PTPRF: variants seen among roughly 807,000 people sequenced by gnomAD.
PTPRF encodes the protein protein tyrosine phosphatase receptor type F.
PTPRF carries 59 observed loss-of-function variants against 201.8 expected under a neutral mutation model. The ratio of observed to expected loss-of-function variants is 0.29; its 90% CI spans 0.24 to 0.36. The LOEUF (loss-of-function observed/expected upper bound fraction) is 0.36. PTPRF is among the 10% of genes least tolerant of loss of function. The probability of loss-of-function intolerance (pLI) is 1.00; values close to 1 mark genes in which losing one functional copy is unlikely to be tolerated. For missense variants in PTPRF, 2,132 were observed against 2,690.5 expected (o/e 0.79, Z 4.59); for synonymous variants, 1,088 against 1,089.7 (o/e 1.00, Z 0.03).
intron 5 of PTPRF, among the ~76,000 whole-genome samples, chr1:43,555,668 A>G (rs948061838): frequency 6.6e-6 from 1 of 151,532 alleles, no homozygotes; most frequent in Non-Finnish European, 1.5e-5. Flanking sequence ...CTGGTCTGGA[A>G]CTCCTGACCT....
chr1:43,565,686 C>G lies in PTPRF; in HGVS notation c.380-3904C>G, dbSNP rs568593513. On this transcript the variant is annotated intron_variant, in intron 5 of 33. Coordinates refer to ENST00000359947, the MANE Select transcript of PTPRF (RefSeq NM_002840.5). ...GCCCCTCCCCGCACTGTGCAGGGCACCCGGTTGGGGGTGGAGGGGAGGGCC... is the reference window on the plus strand; with the variant it reads ...GCCCCTCCCCGCACTGTGCAGGGCAGCCGGTTGGGGGTGGAGGGGAGGGCC... 1.6e-4 allele frequency among the ~76,000 whole-genome samples: 24 copies of G among 148,050 alleles called. No homozygotes were observed. In the East Asian group the frequency reaches 4.4e-3, roughly 27 times the overall value.
intron 1 of PTPRF, among the ~76,000 whole-genome samples, chr1:43,531,351 C>A (rs570224154): frequency 2.9e-4 from 43 of 148,816 alleles, no homozygotes; most frequent in African/African-American, 1.1e-3. Context: ...CGCTCCCCGC[C>A]GCCCCTCGCC....
chr1:43,552,250 A>G (rs1255731983), intron 3 of PTPRF, among the ~76,000 whole-genome samples: 1 of 151,576 alleles, frequency 6.6e-6, no homozygotes, highest in Non-Finnish European at 1.5e-5. Context: ...TTTGGCCCCC[A>G]CCCACCACTC....
At chr1:43,525,879 C>G (rs1335275724), upstream of PTPRF, among the ~76,000 whole-genome samples, 3 of 143,952 alleles carry the variant, frequency 2.1e-5, no homozygotes, top group South Asian at 6.8e-4. Flanking sequence ...GGTTGGGGAG[C>G]GAGCAGGAGA....
rs758657312 is a variant in PTPRF at position 43,578,876 on chromosome 1, C to T, written c.635C>T (p.Ser212Leu). ...AAGTACGAGTGTGTGGCGACCAACT[C>T]GGCAGGCACACGTTACTCAGCCCCT... ...QGKYECVATNSAGTRYSAPAN... is the reference protein window; with the variant it reads ...QGKYECVATNLAGTRYSAPAN... Residue 212 changes from serine (S) to leucine (L), a missense_variant, in exon 7 of 34, where the codon TCG becomes TTG. By Grantham distance (145) the Ser-to-Leu change is moderately radical. Transcript: ENST00000359947. The T allele has an allele frequency of 5.0e-6, 8 of 1,614,068 alleles. No individual in the cohort carries two copies. The highest frequency in any genetic ancestry group is 2.2e-5 in the East Asian group (1 of 44,898).
chr1:43,564,823 C>T (rs1646050836), intron 5 of PTPRF, among the ~76,000 whole-genome samples: 1 of 152,162 alleles, frequency 6.6e-6, no homozygotes, highest in Non-Finnish European at 1.5e-5. Context: ...GACGGTGCTG[C>T]CTGCCCCAGG....
Position 43,569,691 on chromosome 1 carries a change from A to C in PTPRF, c.481A>C (p.Asn161His). 6.2e-7 allele frequency: 1 copy of C among 1,614,060 alleles called. No individual in the cohort carries two copies. Among genetic ancestry groups the C allele is most frequent in the African/African-American group, 1.3e-5 (1 of 75,046 alleles). Residue 161 changes from asparagine to histidine, a missense_variant, in exon 6 of 34, where the codon AAT (asparagine) becomes CAT (histidine). Physicochemically the swap from Asn to His is moderately conservative, Grantham distance 68 (BLOSUM62 1). Coordinates refer to ENST00000359947, the MANE Select transcript of PTPRF (RefSeq NM_002840.5). ...CACCATGCTATGTGCCGCAGGCGGA[A>C]ATCCAGACCCTGAGATTTCTTGGTT... The part of the protein sequence containing the change: ...TATMLCAAGG[N>H]PDPEISWFKD...
chr1:43,609,528 C>T (rs375621023), intron 22 of PTPRF, 30 bp downstream of exon 22: 1 of 1,562,060 alleles, frequency 6.4e-7, no homozygotes, highest in African/African-American at 1.4e-5. Flanking sequence ...TGTGTGCCCC[C>T]AGCCCAGACC....
At position 43,537,011 on chromosome 1, in the gene PTPRF, CTG is replaced by C. The variant is rs1644062482; in HGVS notation, c.-125-1184_-125-1183del. ...GACATTCCCACGCACCACCCTCCCA[CTG>C]TGGTTTCTTTGTGTCCGTTATAGGA... On this transcript the variant is annotated intron_variant, in intron 1 of 33. Transcript: ENST00000359947. This position sits in a 1 kb window ranked among gnomAD's most constrained non-coding sequence, Gnocchi z 4.8. 6.6e-6 allele frequency among the ~76,000 whole-genome samples: 1 copy of C among 152,336 alleles called. No homozygotes were observed. Among genetic ancestry groups the C allele is most frequent in the East Asian group, 1.9e-4 (1 of 5,182 alleles).
At chr1:43,550,313 G>T (rs1228897251) in intron 3 of PTPRF, among the ~76,000 whole-genome samples, 2 of 152,134 alleles carry the variant, frequency 1.3e-5, no homozygotes, top group South Asian at 2.1e-4. Flanking sequence ...TCTCCTCCCC[G>T]GCGTCTCCTC....
At position 43,591,825 on chromosome 1, in the gene PTPRF, C is replaced by A; in HGVS notation, c.1545C>A (p.Pro515=). ...GGGGTGTTGCAGTGCCTGCCCAGCCCGCGGACTTCCAGGCCGAGGTGGAGT... is the reference window on the plus strand; with the variant it reads ...GGGGTGTTGCAGTGCCTGCCCAGCCAGCGGACTTCCAGGCCGAGGTGGAGT... The part of the protein sequence containing the change: ...VKTQQGVPAQ[P]ADFQAEVESD... Residue 515 remains proline, a synonymous_variant, in exon 10 of 34, where the codon CCC becomes CCA. Coordinates refer to ENST00000359947, the MANE Select transcript of PTPRF (RefSeq NM_002840.5). 6.2e-7 allele frequency: 1 copy of A among 1,613,234 alleles called. No homozygotes were observed.
At chr1:43,612,773 A>G (rs568949205) in intron 22 of PTPRF, 9 of 1,365,668 alleles carry the variant, frequency 6.6e-6, no homozygotes, top group African/African-American at 1.5e-5. Flanking sequence ...TGCAGGTTCC[A>G]GTGTCCCCAG....
intron 31 of PTPRF, 100 bp from the exon 32 acceptor site, chr1:43,620,738 A>ACAGAT (rs1378902944): frequency 2.0e-6 from 3 of 1,531,808 alleles, no homozygotes; most frequent in African/African-American, 2.7e-5. Context: ...GTGCAGTGAC[A>ACAGAT]CAGATGCATG....
intron 6 of PTPRF, among the ~76,000 whole-genome samples, chr1:43,571,418 C>A (rs979922178): frequency 1.3e-5 from 2 of 152,212 alleles, no homozygotes; most frequent in Admixed American, 1.3e-4. Context: ...GTCTTTCCAG[C>A]CCAAACCTCT....
Position 43,618,674 on chromosome 1 carries a change from T to C in PTPRF, c.4416T>C (p.Cys1472=). 6.2e-7 allele frequency: 1 copy of C among 1,611,578 alleles called. No individual in the cohort carries two copies. The highest frequency in any genetic ancestry group is 8.5e-7 in the Non-Finnish European group (1 of 1,178,116). The change falls in exon 26 of 34, where the codon TGT becomes TGC. Residue 1472 remains cysteine, a synonymous_variant. Coordinates refer to ENST00000359947, the MANE Select transcript of PTPRF (RefSeq NM_002840.5). ...QYWPARGTET[C]GLIQVTLLDT... The stretch of plus-strand genomic sequence containing the variant: ...GGCCAGCCCGTGGCACCGAGACCTG[T>C]GGCCTTATTCAGGTGACCCTGTTGG...
upstream of PTPRF, among the ~76,000 whole-genome samples, chr1:43,524,050 CAAAAAAAAAAAAA>C (rs57088994): frequency 2.5e-5 from 2 of 80,668 alleles, no homozygotes; most frequent in Admixed American, 1.7e-4. Context: ...GAGACTCTGT[CAAAAAAAAAAAAA>C]AAAAAAAAAA....
chr1:43,571,962 T>C (rs1040767472), intron 6 of PTPRF, among the ~76,000 whole-genome samples: 15 of 152,236 alleles, frequency 9.9e-5, no homozygotes, highest in Admixed American at 8.5e-4. Context: ...AAACCTTGAG[T>C]TGATGGCCTG....
intron 27 of PTPRF, 33 bp downstream of exon 27, chr1:43,619,235 G>A: frequency 1.2e-6 from 2 of 1,606,172 alleles, no homozygotes; most frequent in African/African-American, 1.3e-5. Flanking sequence ...AGAGGGGTGG[G>A]TGGGGTGGGA....
At chr1:43,580,174 GA>G (rs1647237072) in intron 7 of PTPRF, 1 of 152,182 alleles carries the variant, frequency 6.6e-6, no homozygotes, top group Non-Finnish European at 1.5e-5. Flanking sequence ...GCGGCTTCCT[GA>G]GGGGTGTCGT....
Sources: gnomAD v4.1 joint callset for allele counts (sites outside exome capture counted in the v4.1 genomes callset) on GRCh38, gnomAD v4.1.1 for gene constraint, Gnocchi (gnomAD v3.1) non-coding constraint, MANE v1.5 for transcripts, NCBI Gene and HGNC (gene_info 2026-07-23, HGNC 2026-07-21) for gene names.